The following NCAM1 variants were observed in gnomAD, a reference collection of about 807,000 sequenced individuals.
NCAM1 encodes neural cell adhesion molecule 1, also known as antigen recognized by monoclonal antibody 5.1H11.
A neutral mutation model predicts 109.8 loss-of-function variants in NCAM1; 14 were observed. The observed-to-expected ratio is 0.13, with a 90% CI of 0.08 to 0.20. The LOEUF (loss-of-function observed/expected upper bound fraction) is 0.20, where lower values mean the gene tolerates loss of function less well. Ranked by LOEUF, NCAM1 falls within the 10% of genes least tolerant of loss-of-function variation. NCAM1 has a pLI of 1.00. For missense variants in NCAM1, 774 were observed against 1,109.9 expected (o/e 0.70, Z 4.30); for synonymous variants, 418 against 442.9 (o/e 0.94, Z 0.70).
At chr11:113,271,985 T>G (rs981862182) in intron 19 of NCAM1, 109 bp downstream of exon 19, 1 of 742,426 alleles carries the variant, frequency 1.3e-6, no homozygotes. Flanking sequence ...GGCCAAACAG[T>G]TCAGGCCAGG....
intron 1 of NCAM1, among the ~76,000 whole-genome samples, chr11:113,046,190 T>C (rs1044517536): frequency 1.2e-4 from 18 of 152,182 alleles, no homozygotes; most frequent in African/African-American, 4.1e-4. Flanking sequence ...TCCAGTAGGT[T>C]TCTTACTTAT....
chr11:113,234,456 T>A (rs1258670999), intron 13 of NCAM1, among the ~76,000 whole-genome samples: 1 of 152,084 alleles, frequency 6.6e-6, no homozygotes, highest in Non-Finnish European at 1.5e-5. Context: ...ATTCACTACC[T>A]CCTCCCAGCC....
chr11:113,028,684 T>C (rs1207686539), intron 1 of NCAM1, among the ~76,000 whole-genome samples: 1 of 152,230 alleles, frequency 6.6e-6, no homozygotes, highest in Non-Finnish European at 1.5e-5. Flanking sequence ...GTATTGATAC[T>C]TTTGTGCAGT....
intron 1 of NCAM1, among the ~76,000 whole-genome samples, chr11:113,174,555 C>T (rs563687606): frequency 2.0e-5 from 3 of 152,330 alleles, no homozygotes; most frequent in South Asian, 2.1e-4. Flanking sequence ...TCATTTTGCA[C>T]GTTGGTCCCC....
chr11:113,135,285 TG>T (rs1165062475), intron 1 of NCAM1, among the ~76,000 whole-genome samples: 1 of 152,202 alleles, frequency 6.6e-6, no homozygotes, highest in Non-Finnish European at 1.5e-5. Context: ...CATTCTCTGA[TG>T]TTTTTTTAAA....
At chr11:113,226,516 A>G (rs1944850443) in intron 9 of NCAM1, among the ~76,000 whole-genome samples, 1 of 152,236 alleles carries the variant, frequency 6.6e-6, no homozygotes, top group African/African-American at 2.4e-5. Context: ...CATTAGACAG[A>G]TCCACAAGAC....
chr11:113,108,785 T>C (rs1452284967), intron 1 of NCAM1, among the ~76,000 whole-genome samples: 3 of 151,204 alleles, frequency 2.0e-5, no homozygotes, highest in Non-Finnish European at 4.4e-5. Context: ...TTTTTTGTTT[T>C]TTTTTTTTGA....
At position 113,263,122 on chromosome 11, in the gene NCAM1, T is replaced by G. The variant is rs1404327927; in HGVS notation, c.2131+2799T>G. 2.4e-6 allele frequency: 3 copies of G among 1,274,668 alleles called. No individual in the cohort carries two copies. The East Asian group carries it at 9.0e-5, about 38-fold the overall frequency. The allele number at this position is 1,274,668 out of a possible 1,614,324, so 79.0% of individuals were successfully genotyped here. A position where few individuals can be genotyped will look rare whatever the true frequency, so the allele number is the denominator to read the frequency against. ...CCACTCACAGATACTTTTGTGCCAC[T>G]TCATAAGGAGTTTGCCCCCTTTTTA... is the stretch of plus-strand genomic sequence containing the variant. On this transcript the variant is annotated intron_variant, in intron 17 of 19. Coordinates refer to ENST00000316851, the MANE Select transcript of NCAM1 (RefSeq NM_181351.5).
chr11:112,973,793 G>A (rs1950940968), intron 1 of NCAM1, among the ~76,000 whole-genome samples: 1 of 152,052 alleles, frequency 6.6e-6, no homozygotes, highest in Non-Finnish European at 1.5e-5. Context: ...TGATTCTAAT[G>A]AGAATCACAT....
At chr11:113,096,282 T>C (rs1939592900) in intron 1 of NCAM1, among the ~76,000 whole-genome samples, 1 of 152,066 alleles carries the variant, frequency 6.6e-6, no homozygotes, top group Non-Finnish European at 1.5e-5. Flanking sequence ...ATTGACAAAA[T>C]GTGTTATCAG....
intron 1 of NCAM1, among the ~76,000 whole-genome samples, chr11:113,016,404 G>A (rs1398678966): frequency 6.6e-6 from 1 of 152,132 alleles, no homozygotes; most frequent in Non-Finnish European, 1.5e-5. Flanking sequence ...ATAGGACACT[G>A]GGTCTCATTT....
At chr11:113,005,040 T>A (rs187538670) in intron 1 of NCAM1, among the ~76,000 whole-genome samples, 140 of 152,276 alleles carry the variant, frequency 9.2e-4, no homozygotes, top group Non-Finnish European at 1.5e-3. Flanking sequence ...TCTTTCTTGA[T>A]GTTCTGTCCT....
chr11:113,063,360 C>G (rs572307720), intron 1 of NCAM1, among the ~76,000 whole-genome samples: 10 of 152,318 alleles, frequency 6.6e-5, no homozygotes, highest in African/African-American at 9.6e-5. Context: ...AGACTCTGCT[C>G]TCTGCCACTG....
chr11:113,277,631 C>G lies in NCAM1; in HGVS notation c.*2244C>G. ...ACACCAGGCCAAGCCCATGCCATACCTTGTCAAGACTGTCAAAGTGGTTGT... is the reference window on the plus strand; with the variant it reads ...ACACCAGGCCAAGCCCATGCCATACGTTGTCAAGACTGTCAAAGTGGTTGT... On this transcript the variant is annotated 3_prime_UTR_variant, in exon 20 of 20. Coordinates refer to ENST00000316851, the MANE Select transcript of NCAM1 (RefSeq NM_181351.5). 1 of 390,890 alleles carries G rather than the reference C, an allele frequency of 2.6e-6. No individual in the cohort carries two copies. Among genetic ancestry groups the G allele is most frequent in the Non-Finnish European group, 4.5e-6 (1 of 221,858 alleles). 24.2% of individuals were successfully genotyped at this position (390,890 alleles called of 1,614,324 possible).
chr11:112,989,225 G>A (rs1328437213), intron 1 of NCAM1, among the ~76,000 whole-genome samples: 3 of 152,062 alleles, frequency 2.0e-5, no homozygotes, highest in Admixed American at 2.0e-4. Context: ...TTGCCTTCTG[G>A]AATTCCCATA....
At chr11:113,092,491 G>A (rs1169235250) in intron 1 of NCAM1, among the ~76,000 whole-genome samples, 1 of 152,096 alleles carries the variant, frequency 6.6e-6, no homozygotes, top group Non-Finnish European at 1.5e-5. Context: ...TGAGTCACAG[G>A]GAGGTTAAAT....
At chr11:113,263,458 G>A (rs556362920) in intron 17 of NCAM1, 60 of 985,882 alleles carry the variant, frequency 6.1e-5, no homozygotes, top group African/African-American at 7.0e-5. Context: ...TCACATGAGC[G>A]TTTTGCTGAC....
At position 113,214,317 on chromosome 11, in the gene NCAM1, C is replaced by A. The variant is rs192718886; in HGVS notation, c.917-52C>A. 5.2e-5 allele frequency: 83 copies of A among 1,591,544 alleles called. No individual in the cohort carries two copies. In the African/African-American group the frequency reaches 9.9e-4, roughly 19 times the overall value. The stretch of plus-strand genomic sequence containing the variant: ...GGATAGGTGCATGCCATCATTTAAA[C>A]CCAGAAAGCTCAATAATTAGATAAA... On this transcript the variant is annotated intron_variant, in intron 7 of 19. Transcript: ENST00000316851.
At chr11:113,014,869 G>C (rs886733215) in intron 1 of NCAM1, among the ~76,000 whole-genome samples, 2 of 152,150 alleles carry the variant, frequency 1.3e-5, no homozygotes, top group African/African-American at 4.8e-5. Flanking sequence ...GGAGCTTGAG[G>C]CTTTATTCTG....
Sources: gnomAD v4.1 joint callset for allele counts (sites outside exome capture counted in the v4.1 genomes callset) on GRCh38, gnomAD v4.1.1 for gene constraint, MANE v1.5 for transcripts, NCBI Gene and HGNC (gene_info 2026-07-23, HGNC 2026-07-21) for gene names.